ADGRL3: variants seen among roughly 807,000 people sequenced by gnomAD.
The protein encoded by ADGRL3 is adhesion G protein-coupled receptor L3, also known as calcium-independent alpha-latrotoxin receptor 3.
A neutral mutation model predicts 153.5 loss-of-function variants in ADGRL3; 62 were observed. That is an observed-to-expected ratio of 0.40 (90% CI 0.33 to 0.50). The LOEUF (loss-of-function observed/expected upper bound fraction) is 0.50. Among genes scored for constraint, ADGRL3 ranks in the 20% least tolerant of loss-of-function variants. ADGRL3 has a pLI of 0.47. For missense variants in ADGRL3, 1,641 were observed against 1,859.4 expected, an observed-to-expected ratio of 0.88 and a Z score of 2.16; for synonymous variants, 710 against 672.5, an observed-to-expected ratio of 1.06 and a Z score of -0.86.
At chr4:61,413,128 G>A (rs1017402078) in intron 2 of ADGRL3, among the ~76,000 whole-genome samples, 1 of 152,160 alleles carries the variant, frequency 6.6e-6, no homozygotes, top group Non-Finnish European at 1.5e-5. Context: ...AGAAGTCCAC[G>A]TTCCACACTC....
In ADGRL3 at chr4:61,530,792, A is replaced by G. The variant is rs551497658; in HGVS notation, c.259+13274A>G. ...ATATGGAGAAGCAAGAATATTGGAA[A>G]CATATTCATCTGTGTATTTTTGGCA... On this transcript the variant is annotated intron_variant, in intron 4 of 26. Coordinates refer to ENST00000683033, the MANE Select transcript of ADGRL3 (RefSeq NM_001387552.1). 2.1e-3 allele frequency among the ~76,000 whole-genome samples: 323 copies of G among 152,322 alleles called. 1 individual carries two copies. Among genetic ancestry groups the G allele is most frequent in the Non-Finnish European group, 3.6e-3 (245 of 68,020 alleles).
At chr4:62,038,165 A>T (rs904856190) in intron 24 of ADGRL3, among the ~76,000 whole-genome samples, 2 of 152,192 alleles carry the variant, frequency 1.3e-5, no homozygotes, top group Non-Finnish European at 2.9e-5. Flanking sequence ...AACATTTCAT[A>T]TATATAGAAA....
intron 9 of ADGRL3, among the ~76,000 whole-genome samples, chr4:61,821,432 G>A (rs78339212): frequency 1.3e-5 from 2 of 151,406 alleles, no homozygotes; most frequent in African/African-American, 2.4e-5. Context: ...GCTTGATCTC[G>A]TCTCACCACA....
At chr4:61,913,445 G>T (rs1049680480) in intron 13 of ADGRL3, among the ~76,000 whole-genome samples, 7 of 152,032 alleles carry the variant, frequency 4.6e-5, no homozygotes, top group African/African-American at 1.7e-4. Context: ...AAGGCAGGAG[G>T]AAATATGAAA....
chr4:62,019,173 T>TTA (rs1438945052), intron 21 of ADGRL3, among the ~76,000 whole-genome samples: 2 of 151,922 alleles, frequency 1.3e-5, no homozygotes, highest in African/African-American at 4.8e-5. Context: ...TTTAAATCCT[T>TTA]TATATATATA....
chr4:61,924,686 C>A (rs775633438), intron 13 of ADGRL3, among the ~76,000 whole-genome samples: 2 of 152,122 alleles, frequency 1.3e-5, no homozygotes, highest in Non-Finnish European at 1.5e-5. Flanking sequence ...TCAAAAGTTC[C>A]ATTTGAAGAC....
rs557490483 is a variant in ADGRL3 at position 61,778,359 on chromosome 4, T to C, written c.1400-35450T>C. On this transcript the variant is annotated intron_variant, in intron 8 of 26. Coordinates refer to ENST00000683033, the MANE Select transcript of ADGRL3 (RefSeq NM_001387552.1). The stretch of plus-strand genomic sequence containing the variant: ...GTTGAGCGGTACTCTCTATTGACTT[T>C]CACATTTGAACATTTCAAACAAACA... Among the ~76,000 whole-genome samples, 18 of 152,348 alleles carry C rather than the reference T, an allele frequency of 1.2e-4. No homozygotes were observed. The South Asian group carries it at 2.7e-3, about 23-fold the overall frequency.
chr4:62,024,310 C>T (rs180956578), intron 21 of ADGRL3, among the ~76,000 whole-genome samples: 3 of 152,096 alleles, frequency 2.0e-5, no homozygotes, highest in Non-Finnish European at 2.9e-5. Context: ...TGATATGGAT[C>T]ATTGAGTCAT....
At chr4:61,588,214 C>T (rs2098954671) in intron 5 of ADGRL3, among the ~76,000 whole-genome samples, 1 of 151,792 alleles carries the variant, frequency 6.6e-6, no homozygotes, top group African/African-American at 2.4e-5. Context: ...TATAAGCCTA[C>T]AGCTATTCAG....
chr4:61,335,315 G>C (rs2151032407), intron 1 of ADGRL3, among the ~76,000 whole-genome samples: 1 of 152,164 alleles, frequency 6.6e-6, no homozygotes, highest in Non-Finnish European at 1.5e-5. Context: ...TTACTCTTAA[G>C]ATTATTCAGG....
At chr4:61,674,380 A>G (rs1354978814) in intron 5 of ADGRL3, among the ~76,000 whole-genome samples, 1 of 151,718 alleles carries the variant, frequency 6.6e-6, no homozygotes, top group Non-Finnish European at 1.5e-5. Flanking sequence ...GATTATTTAA[A>G]TAAAATATTT....
At chr4:61,619,095 G>A (rs549753030) in intron 5 of ADGRL3, among the ~76,000 whole-genome samples, 4 of 152,254 alleles carry the variant, frequency 2.6e-5, no homozygotes, top group African/African-American at 7.2e-5. Context: ...CTTGTAGAAG[G>A]CAAGTCACAG....
intron 9 of ADGRL3, among the ~76,000 whole-genome samples, chr4:61,872,588 C>A (rs2098452040): frequency 6.6e-6 from 1 of 150,856 alleles, no homozygotes. Flanking sequence ...TATTCTCCCC[C>A]AGGTTTCATT....
intron 1 of ADGRL3, among the ~76,000 whole-genome samples, chr4:61,242,499 G>C (rs1358481157): frequency 6.6e-6 from 1 of 151,768 alleles, no homozygotes; most frequent in East Asian, 1.9e-4. Context: ...TGAATCAATG[G>C]CCATTTACAC....
intron 2 of ADGRL3, among the ~76,000 whole-genome samples, chr4:61,414,977 A>T (rs2097130216): frequency 1.3e-5 from 2 of 151,988 alleles, no homozygotes; most frequent in South Asian, 2.1e-4. Context: ...TTGTTCTAAA[A>T]ATAGTTGGAA....
rs532569036 is a variant in ADGRL3, at chr4:61,669,518, T to C, written c.474-7308T>C. 3.3e-5 allele frequency among the ~76,000 whole-genome samples: 5 copies of C among 152,282 alleles called. No homozygotes were observed. In the South Asian group the frequency reaches 8.3e-4, roughly 25 times the overall value. Reference sequence around the variant, plus strand: ...AGTTACTGTGATCACCTAAACTATTTTGAGATTTTAAACATTAATATTATA... The same window carrying C: ...AGTTACTGTGATCACCTAAACTATTCTGAGATTTTAAACATTAATATTATA... On this transcript the variant is annotated intron_variant, in intron 5 of 26. Transcript: ENST00000683033.
chr4:61,212,342 AAT>A (rs1740469618), intron 1 of ADGRL3: 1 of 152,212 alleles, frequency 6.6e-6, no homozygotes, highest in Non-Finnish European at 1.5e-5. Context: ...TTCTGATGAG[AAT>A]ATATGTTTAT....
At chr4:61,823,912 T>G (rs1232583568) in intron 9 of ADGRL3, among the ~76,000 whole-genome samples, 1 of 151,946 alleles carries the variant, frequency 6.6e-6, no homozygotes, top group Non-Finnish European at 1.5e-5. Flanking sequence ...ATACAAAAAA[T>G]TAGCTGGGCG....
At chr4:61,833,846 T>C (rs1162512377) in intron 9 of ADGRL3, among the ~76,000 whole-genome samples, 1 of 152,280 alleles carries the variant, frequency 6.6e-6, no homozygotes, top group East Asian at 1.9e-4. Context: ...CCAAAGTTAG[T>C]TCAGCCTATG....
Sources: allele counts gnomAD v4.1 joint callset (sites outside exome capture counted in the v4.1 genomes callset), GRCh38; gene constraint gnomAD v4.1.1; transcripts MANE v1.5; gene names NCBI Gene and HGNC (gene_info 2026-07-23, HGNC 2026-07-21).